LYST: variants seen among roughly 807,000 people sequenced by gnomAD.
LYST encodes lysosomal-trafficking regulator.
In LYST, 192 loss-of-function variants were observed where a neutral mutation model predicts 413.6. The ratio of observed to expected loss-of-function variants is 0.46; its 90% CI spans 0.41 to 0.52. LYST has a LOEUF of 0.52. Ranked by LOEUF, LYST falls within the 20% of genes least tolerant of loss-of-function variation. The pLI is 0.00. For missense variants in LYST, 3,815 were observed against 4,499.9 expected, an observed-to-expected ratio of 0.85 and a Z score of 4.35; for synonymous variants, 1,525 against 1,567.3, an observed-to-expected ratio of 0.97 and a Z score of 0.64.
intron 50 of LYST, among the ~76,000 whole-genome samples, chr1:235,672,366 G>A (rs898540853): frequency 1.3e-5 from 2 of 152,150 alleles, no homozygotes; most frequent in Admixed American, 1.3e-4. Context: ...TCGTTAAGAA[G>A]TAGACAAAAA....
intron 1 of LYST, among the ~76,000 whole-genome samples, chr1:235,843,980 T>C (rs151148773): frequency 6.6e-6 from 1 of 152,304 alleles, no homozygotes; most frequent in Non-Finnish European, 1.5e-5. Flanking sequence ...AGACTTTTTT[T>C]CAAAAATGTT....
chr1:235,721,262 G>T (rs563375247), intron 39 of LYST, among the ~76,000 whole-genome samples: 291 of 152,228 alleles, frequency 1.9e-3, no homozygotes, highest in Middle Eastern at 3.4e-3. Flanking sequence ...GAAACAGCAC[G>T]GTCTTCTGAA....
At chr1:235,824,471 T>A (rs1393432289) in intron 3 of LYST, among the ~76,000 whole-genome samples, 3 of 152,178 alleles carry the variant, frequency 2.0e-5, no homozygotes, top group Non-Finnish European at 4.4e-5. Flanking sequence ...GTCCTTATGT[T>A]ACTGATGAGG....
chr1:235,774,843 G>T, intron 18 of LYST, 70 bp downstream of exon 18: 1 of 1,018,802 alleles, frequency 9.8e-7, no homozygotes, highest in Non-Finnish European at 1.5e-6. Flanking sequence ...AACTATTATT[G>T]GAAGACTTTG....
rs745971703 is a variant in LYST at position 235,806,241 on chromosome 1, A to T, written c.2895T>A (p.Ser965=). ...EHMHQAADIW[S]MCRWIYMLSS... ...TCAACATGTAGATCCAACGACACAT[A>T]GACCAAATGTCTGCTGCTTGGTGCA... Residue 965 remains serine (S), a synonymous_variant, in exon 6 of 53, where the codon TCT becomes TCA. Coordinates refer to ENST00000389793, the MANE Select transcript of LYST (RefSeq NM_000081.4). 1 of 1,614,066 alleles carries T rather than the reference A, an allele frequency of 6.2e-7. No individual in the cohort carries two copies. The highest frequency in any genetic ancestry group is 1.1e-5 in the South Asian group (1 of 91,086).
At chr1:235,782,144 T>A in intron 14 of LYST, 57 bp from the exon 15 acceptor site, 1 of 1,433,508 alleles carries the variant, frequency 7.0e-7, no homozygotes, top group Non-Finnish European at 9.6e-7. Flanking sequence ...TAGTACTAAG[T>A]ATTTTTAAAG....
At chr1:235,776,104 A>G (rs1669202749) in intron 17 of LYST, among the ~76,000 whole-genome samples, 1 of 152,184 alleles carries the variant, frequency 6.6e-6, no homozygotes, top group Admixed American at 6.5e-5. Context: ...AAACTATACG[A>G]TGGTACAAAA....
chr1:235,676,720 T>C (rs552647957), intron 50 of LYST, among the ~76,000 whole-genome samples: 1 of 152,284 alleles, frequency 6.6e-6, no homozygotes, highest in East Asian at 1.9e-4. Flanking sequence ...AATTTTGTTC[T>C]TTCACAGGAG....
rs1658136009 is a variant in LYST at position 235,662,769 on chromosome 1, T to A, written c.*171A>T. 2 of 726,476 alleles carry A rather than the reference T, an allele frequency of 2.8e-6. No individual in the cohort carries two copies. Among genetic ancestry groups the A allele is most frequent in the Non-Finnish European group, 5.0e-6 (2 of 396,370 alleles). The allele number at this position is 726,476 out of a possible 1,614,324, so 45.0% of individuals were successfully genotyped here. A position where few individuals can be genotyped will look rare whatever the true frequency, so the allele number is the denominator to read the frequency against. On this transcript the variant is annotated 3_prime_UTR_variant, in exon 53 of 53. Coordinates refer to ENST00000389793, the MANE Select transcript of LYST (RefSeq NM_000081.4). ...TCACTAAAATAGAACAGAACTTTCC[T>A]CTTAGGATCATGTGACTCTTCAGAA... is the stretch of plus-strand genomic sequence containing the variant.
chr1:235,662,588 T>C lies in LYST; in HGVS notation c.*352A>G. The C allele has an allele frequency of 3.1e-6, 1 of 318,944 alleles. No homozygotes were observed. The highest frequency in any genetic ancestry group is 7.9e-5 in the East Asian group (1 of 12,630). The allele number at this position is 318,944 out of a possible 1,614,324, so 19.8% of individuals were successfully genotyped here. ...TAAACAATCAACCAACCAATTTAAATTCTACTGGTCCTTTTGGAATCATAG... is the reference window on the plus strand; with the variant it reads ...TAAACAATCAACCAACCAATTTAAACTCTACTGGTCCTTTTGGAATCATAG... On this transcript the variant is annotated 3_prime_UTR_variant, in exon 53 of 53. Transcript: ENST00000389793.
intron 3 of LYST, among the ~76,000 whole-genome samples, chr1:235,819,093 G>T (rs1228078762): frequency 6.6e-6 from 1 of 152,192 alleles, no homozygotes; most frequent in African/African-American, 2.4e-5. Context: ...GGCAAGTGCA[G>T]ATGTTTGGGT....
At chr1:235,727,031 A>C (rs988922360) in intron 38 of LYST, among the ~76,000 whole-genome samples, 7 of 152,096 alleles carry the variant, frequency 4.6e-5, no homozygotes, top group Admixed American at 3.3e-4. Flanking sequence ...AATGCTGTTC[A>C]TATTTCTGAC....
At chr1:235,872,971 T>C (rs536808541) in intron 1 of LYST, among the ~76,000 whole-genome samples, 1 of 152,256 alleles carries the variant, frequency 6.6e-6, no homozygotes, top group East Asian at 1.9e-4. Context: ...GTTTATGACT[T>C]GCTTTGTGGT....
chr1:235,810,332 CT>C lies in LYST; in HGVS notation c.485del (p.Gln162ArgfsTer16). ...RYSVRDARKT[Q>X]LSTSDSEANS... ...TGGCTTCTGAATCTGAGGTGGAGAG[CT>C]GTGTCTTTCTTGCATCTCTTACAGA... is the stretch of plus-strand genomic sequence containing the variant. On this transcript the variant is annotated frameshift_variant, in exon 5 of 53. Transcript: ENST00000389793. LOFTEE classifies it high-confidence loss of function. The C allele has an allele frequency of 6.2e-7, 1 of 1,614,062 alleles. No individual in the cohort carries two copies. The highest frequency in any genetic ancestry group is 8.5e-7 in the Non-Finnish European group (1 of 1,179,932).
chr1:235,720,848 A>T lies in LYST; in HGVS notation c.9373T>A (p.Tyr3125Asn), dbSNP rs772098917. The change falls in exon 40 of 53, where the codon TAT becomes AAT. Residue 3125 changes from tyrosine to asparagine, a missense_variant. Physicochemically the swap from Tyr to Asn is moderately radical, Grantham distance 143. Transcript: ENST00000389793. ...LTNNLPNLLE[Y>N]GNITALTNLW... ...TTTGTCAGAGCGGTGATGTTACCAT[A>T]TTCCAGAAGATTAGGGAGGTTATTT... 6.2e-7 allele frequency: 1 copy of T among 1,613,604 alleles called. No individual in the cohort carries two copies. Among genetic ancestry groups the T allele is most frequent in the Non-Finnish European group, 8.5e-7 (1 of 1,179,520 alleles).
At chr1:235,844,188 G>A (rs1478829112) in intron 1 of LYST, among the ~76,000 whole-genome samples, 1 of 152,028 alleles carries the variant, frequency 6.6e-6, no homozygotes, top group Non-Finnish European at 1.5e-5. Flanking sequence ...AATATATATT[G>A]ATAGATTGAT....
At chr1:235,817,869 TA>T (rs946408998) in intron 3 of LYST, among the ~76,000 whole-genome samples, 38 of 147,102 alleles carry the variant, frequency 2.6e-4, no homozygotes, top group Middle Eastern at 3.5e-3. Flanking sequence ...AAAATAAAAG[TA>T]AAAAAAAAAA....
At chr1:235,719,445 A>G (rs1663143815) in intron 40 of LYST, among the ~76,000 whole-genome samples, 1 of 152,156 alleles carries the variant, frequency 6.6e-6, no homozygotes, top group South Asian at 2.1e-4. Flanking sequence ...GGAAATCAAC[A>G]TTTTGCAACC....
intron 1 of LYST, among the ~76,000 whole-genome samples, chr1:235,837,490 G>A (rs1248520876): frequency 1.3e-5 from 2 of 151,942 alleles, no homozygotes; most frequent in African/African-American, 4.8e-5. Context: ...TAGCCGGCAT[G>A]GTGGTGCACA....
Sources: gnomAD v4.1 joint callset for allele counts (sites outside exome capture counted in the v4.1 genomes callset) on GRCh38, gnomAD v4.1.1 for gene constraint, MANE v1.5 for transcripts, NCBI Gene and HGNC (gene_info 2026-07-23, HGNC 2026-07-21) for gene names.